The following ADAMTSL1 variants were observed in gnomAD, a reference collection of about 807,000 sequenced individuals.
ADAMTSL1 encodes ADAMTS-like protein 1.
In ADAMTSL1, 126 loss-of-function variants were observed where a neutral mutation model predicts 201.8. The observed-to-expected ratio is 0.62, with a 90% confidence interval of 0.54 to 0.72. ADAMTSL1 has a LOEUF of 0.72. ADAMTSL1 is among the 30% of genes least tolerant of loss of function. The pLI is 0.00. For missense variants in ADAMTSL1, 2,679 were observed against 2,277.8 expected (o/e 1.18, Z -3.59); for synonymous variants, 1,121 against 903.4 (o/e 1.24, Z -4.32).
chr9:18,348,920 C>G lies in ADAMTSL1; in HGVS notation c.208-155909C>G, dbSNP rs146171095. ...ACTACCATTTATTGAACGTGTATTG[C>G]CAGTCATTTTACTAAGTATTTACAT... On this transcript the variant is annotated intron_variant, in intron 2 of 29. Transcript: ENST00000680146. Among the ~76,000 whole-genome samples the G allele has an allele frequency of 2.6e-3, 393 of 152,234 alleles. 1 individual carries two copies. Among genetic ancestry groups the G allele is most frequent in the African/African-American group, 7.7e-3 (321 of 41,532 alleles).
chr9:18,570,399 C>G (rs1822222104), intron 3 of ADAMTSL1, among the ~76,000 whole-genome samples: 1 of 152,214 alleles, frequency 6.6e-6, no homozygotes, highest in South Asian at 2.1e-4. Context: ...AGTTTCCACT[C>G]TTGCAGCTGG....
rs1237537735 is a variant in ADAMTSL1, at chr9:18,578,379, G to C, written c.474+4113G>C. 4.6e-5 allele frequency among the ~76,000 whole-genome samples: 7 copies of C among 152,130 alleles called. No individual in the cohort carries two copies. In the South Asian group the frequency reaches 1.5e-3, roughly 32 times the overall value. ...TGATTGTGTTATCCCTCTTCACCCT[G>C]CATCTCAGACTGAGAAACACTGGGA... is the stretch of plus-strand genomic sequence containing the variant. On this transcript the variant is annotated intron_variant, in intron 4 of 28. Transcript: ENST00000380548.
At chr9:17,938,875 A>G (rs917607227) in intron 1 of ADAMTSL1, among the ~76,000 whole-genome samples, 10 of 152,116 alleles carry the variant, frequency 6.6e-5, no homozygotes, top group Admixed American at 2.6e-4. Context: ...CTGCCTGAGT[A>G]TCTTGTCATC....
At chr9:18,626,907 CTTTTCTTT>C (rs1396536759) in intron 5 of ADAMTSL1, among the ~76,000 whole-genome samples, 1 of 136,724 alleles carries the variant, frequency 7.3e-6, no homozygotes, top group Non-Finnish European at 1.6e-5. Context: ...TCCTTTCTTT[CTTTTCTTT>C]TTTTCTTTTT....
chr9:18,866,978 T>G (rs1313746378), intron 23 of ADAMTSL1, among the ~76,000 whole-genome samples: 1 of 152,220 alleles, frequency 6.6e-6, no homozygotes, highest in Non-Finnish European at 1.5e-5. Flanking sequence ...GAACAAATCC[T>G]TTTAAAGACA....
At chr9:18,501,735 G>A (rs1246735416) in intron 1 of ADAMTSL1, among the ~76,000 whole-genome samples, 1 of 152,096 alleles carries the variant, frequency 6.6e-6, no homozygotes, top group Non-Finnish European at 1.5e-5. Flanking sequence ...ATTAAACATG[G>A]ATTCCATTGA....
chr9:18,358,156 C>G (rs919515770), intron 2 of ADAMTSL1, among the ~76,000 whole-genome samples: 11 of 152,118 alleles, frequency 7.2e-5, no homozygotes, highest in Non-Finnish European at 1.3e-4. Context: ...TATATACTTA[C>G]AGTTGTGAAA....
At chr9:18,062,649 A>T (rs1822511308) in intron 1 of ADAMTSL1, among the ~76,000 whole-genome samples, 1 of 152,146 alleles carries the variant, frequency 6.6e-6, no homozygotes, top group Non-Finnish European at 1.5e-5. Flanking sequence ...TAACATAAAT[A>T]TTTGGAATTG....
At chr9:18,827,342 C>A (rs189204879) in intron 22 of ADAMTSL1, among the ~76,000 whole-genome samples, 1 of 151,962 alleles carries the variant, frequency 6.6e-6, no homozygotes, top group African/African-American at 2.4e-5. Flanking sequence ...TTACAGACTT[C>A]CTCAGGGAAA....
At chr9:18,481,100 A>G (rs1821706690) in intron 1 of ADAMTSL1, among the ~76,000 whole-genome samples, 1 of 152,264 alleles carries the variant, frequency 6.6e-6, no homozygotes, top group South Asian at 2.1e-4. Context: ...ATCAGAGTGA[A>G]CAATTCACAG....
chr9:18,308,609 A>C (rs1438331330), intron 2 of ADAMTSL1, among the ~76,000 whole-genome samples: 1 of 149,266 alleles, frequency 6.7e-6, no homozygotes, highest in East Asian at 1.9e-4. Context: ...ACATTCCTGG[A>C]CACACACCTT....
chr9:18,838,678 A>C (rs1483323440), intron 23 of ADAMTSL1, among the ~76,000 whole-genome samples: 2 of 151,850 alleles, frequency 1.3e-5, no homozygotes, highest in African/African-American at 4.8e-5. Flanking sequence ...ATTTTTTTAA[A>C]ATATAACTAG....
chr9:18,646,936 A>G (rs1235493777), intron 7 of ADAMTSL1, among the ~76,000 whole-genome samples: 3 of 151,844 alleles, frequency 2.0e-5, no homozygotes, highest in Admixed American at 6.6e-5. Flanking sequence ...CTCTTTTTCT[A>G]TTGATTGGAA....
intron 1 of ADAMTSL1, among the ~76,000 whole-genome samples, chr9:17,953,158 A>G (rs1196180101): frequency 6.6e-6 from 1 of 152,142 alleles, no homozygotes; most frequent in East Asian, 1.9e-4. Flanking sequence ...CTAAAAGTTC[A>G]GGTTCTTACT....
At chr9:18,857,541 C>G (rs1271535450) in intron 23 of ADAMTSL1, among the ~76,000 whole-genome samples, 2 of 152,204 alleles carry the variant, frequency 1.3e-5, no homozygotes, top group East Asian at 3.9e-4. Context: ...TGATGCTGGG[C>G]TCTTCTTATC....
intron 1 of ADAMTSL1, among the ~76,000 whole-genome samples, chr9:18,055,664 C>A (rs962790573): frequency 6.6e-6 from 1 of 152,218 alleles, no homozygotes; most frequent in Non-Finnish European, 1.5e-5. Context: ...GTCACCTAAT[C>A]GCAGGGGCGC....
chr9:18,637,886 A>T (rs1487872903), intron 6 of ADAMTSL1, among the ~76,000 whole-genome samples: 1 of 152,124 alleles, frequency 6.6e-6, no homozygotes, highest in Non-Finnish European at 1.5e-5. Flanking sequence ...CTCTTGATAA[A>T]ATGGAATCAG....
At chr9:18,880,305 T>C (rs1828448114) in intron 23 of ADAMTSL1, among the ~76,000 whole-genome samples, 1 of 152,222 alleles carries the variant, frequency 6.6e-6, no homozygotes, top group Non-Finnish European at 1.5e-5. Context: ...GAACATTTTC[T>C]ATTTACTTTT....
chr9:18,448,826 A>G (rs1024074971), intron 2 of ADAMTSL1, among the ~76,000 whole-genome samples: 1 of 152,162 alleles, frequency 6.6e-6, no homozygotes, highest in Non-Finnish European at 1.5e-5. Flanking sequence ...TATAGAAAGT[A>G]AAATTTAATT....
Sources: allele counts gnomAD v4.1 joint callset (sites outside exome capture counted in the v4.1 genomes callset), GRCh38; gene constraint gnomAD v4.1.1; transcripts MANE v1.5; gene names NCBI Gene and HGNC (gene_info 2026-07-23, HGNC 2026-07-21).